Variants in NBR1 observed in about 807,000 individuals in gnomAD.
NBR1 encodes the protein NBR1 autophagy cargo receptor.
NBR1 carries 59 observed loss-of-function variants against 115.5 expected under a neutral mutation model. The ratio of observed to expected loss-of-function variants is 0.51; its 90% CI spans 0.41 to 0.63. The LOEUF is 0.63. Ranked by LOEUF, NBR1 falls within the 30% of genes least tolerant of loss-of-function variation. The probability of loss-of-function intolerance (pLI) is 0.00; values close to 1 mark genes in which losing one functional copy is unlikely to be tolerated. For missense variants in NBR1, 1,043 were observed against 1,150.5 expected, an observed-to-expected ratio of 0.91 and a Z score of 1.35; for synonymous variants, 373 against 414.7, an observed-to-expected ratio of 0.90 and a Z score of 1.22.
chr17:43,183,777 AG>A (rs1166626168), intron 5 of NBR1, among the ~76,000 whole-genome samples: 1 of 151,716 alleles, frequency 6.6e-6, no homozygotes, highest in Non-Finnish European at 1.5e-5. Context: ...CTCATACCTC[AG>A]CCACACTAAT....
chr17:43,200,612 C>T lies in NBR1; in HGVS notation c.2468+4C>T, dbSNP rs2057177071. ...AGCTTCCACCGTCACTGCCCAGGTA[C>T]CACTCACAGCCCCCTCAGCTGGGGT... On this transcript the variant is annotated splice_donor_region_variant and intron_variant, in intron 17 of 20. Transcript: ENST00000590996. 1 of 1,590,682 alleles carries T rather than the reference C, an allele frequency of 6.3e-7. No individual in the cohort carries two copies. The highest frequency in any genetic ancestry group is 1.3e-5 in the African/African-American group (1 of 74,520).
rs777760518 is a variant in NBR1 at position 43,200,252 on chromosome 17, G to C, written c.2112G>C (p.Glu704Asp). 1.3e-6 allele frequency: 2 copies of C among 1,551,612 alleles called. No individual in the cohort carries two copies. The highest frequency in any genetic ancestry group is 2.0e-5 in the Admixed American group (1 of 50,984). ...HIAEEEAVMEEEEDEEDEEEE... is the reference protein window; with the variant it reads ...HIAEEEAVMEDEEDEEDEEEE... Reference sequence around the variant, plus strand: ...CTGAGGAAGAAGCTGTCATGGAGGAGGAGGAGGATGAGGAGGATGAGGAGG... The same window carrying C: ...CTGAGGAAGAAGCTGTCATGGAGGACGAGGAGGATGAGGAGGATGAGGAGG... Residue 704 changes from glutamate to aspartate, a missense_variant, in exon 17 of 21, where the codon GAG (glutamate) becomes GAC (aspartate). Transcript: ENST00000590996.
At chr17:43,172,157 A>G (rs1256883673) in intron 1 of NBR1, among the ~76,000 whole-genome samples, 1 of 152,224 alleles carries the variant, frequency 6.6e-6, no homozygotes, top group Non-Finnish European at 1.5e-5. Context: ...CTGAAGGCCT[A>G]AGACCCAGCT....
intron 5 of NBR1, among the ~76,000 whole-genome samples, chr17:43,184,924 A>G (rs1374123953): frequency 6.6e-6 from 1 of 151,734 alleles, no homozygotes; most frequent in Non-Finnish European, 1.5e-5. Flanking sequence ...CCCCATCTCT[A>G]CTAAAAATAC....
chr17:43,193,563 C>T lies in NBR1; in HGVS notation c.1449C>T (p.Ser483=), dbSNP rs535220529. 2.4e-5 allele frequency: 38 copies of T among 1,612,500 alleles called. No individual in the cohort carries two copies. The highest frequency in any genetic ancestry group is 6.7e-5 in the East Asian group (3 of 44,858). The change falls in exon 12 of 21, where the codon TCC becomes TCT. Residue 483 remains serine (S), a synonymous_variant. Coordinates refer to ENST00000590996, the MANE Select transcript of NBR1 (RefSeq NM_005899.5). ...GTATCATAGTAGATCCTTTCCCCTC[C>T]GAAGAGAGCCCTGATAACATTGAAA... ...WCSIIVDPFP[S]EESPDNIEKG...
chr17:43,182,717 G>GTTAA (rs1481489556), intron 5 of NBR1, among the ~76,000 whole-genome samples: 1 of 151,600 alleles, frequency 6.6e-6, no homozygotes, highest in Non-Finnish European at 1.5e-5. Context: ...CCACAATCAA[G>GTTAA]TTAATTAACA....
chr17:43,179,286 G>C (rs1232259977), intron 3 of NBR1, 108 bp from the exon 4 acceptor site: 6 of 944,642 alleles, frequency 6.4e-6, no homozygotes, highest in Non-Finnish European at 1.0e-5. Flanking sequence ...TGGAAAAGCT[G>C]AACGCTTGGC....
rs1413670590 is a variant in NBR1 at position 43,186,262 on chromosome 17, CAG to C, written c.221_222del (p.Gln74ArgfsTer16). 4 of 1,573,142 alleles carry C rather than the reference CAG, an allele frequency of 2.5e-6. 1 individual carries two copies. The highest frequency in any genetic ancestry group is 3.8e-5 in the Admixed American group (2 of 53,068). ...TGTATGCTCTTAGATGGCAGTTAAA[CAG>C]GGAAACCAACTGCAGATGCAAGTCC... The part of the protein sequence containing the change: ...YEEALKMAVK[Q>X]GNQLQMQVHE... On this transcript the variant is annotated frameshift_variant, in exon 6 of 21. Coordinates refer to ENST00000590996, the MANE Select transcript of NBR1 (RefSeq NM_005899.5). LOFTEE classifies it high-confidence loss of function.
intron 18 of NBR1, 77 bp downstream of exon 18, chr17:43,201,857 C>T: frequency 6.0e-6 from 5 of 828,764 alleles, no homozygotes; most frequent in Non-Finnish European, 9.9e-6. Flanking sequence ...GCCTCTCTCT[C>T]TTCGTGATTC....
intron 10 of NBR1, among the ~76,000 whole-genome samples, 192 bp from the exon 11 acceptor site, chr17:43,192,902 T>C (rs1181163803): frequency 6.6e-6 from 1 of 152,204 alleles, no homozygotes; most frequent in Non-Finnish European, 1.5e-5. Context: ...TGTTTTGTTT[T>C]ATTGTTTTAA....
At chr17:43,182,151 G>C (rs2056683737) in intron 5 of NBR1, among the ~76,000 whole-genome samples, 2 of 144,952 alleles carry the variant, frequency 1.4e-5, no homozygotes. Context: ...CACCATGCCT[G>C]TTCTAGAACT....
chr17:43,178,065 G>A (rs749987974), intron 3 of NBR1, 67 bp downstream of exon 3: 36 of 1,507,218 alleles, frequency 2.4e-5, no homozygotes, highest in Non-Finnish European at 3.3e-5. Flanking sequence ...CAGTGATATG[G>A]GCTTTAATAA....
intron 19 of NBR1, 47 bp from the exon 20 acceptor site, chr17:43,203,633 GT>G: frequency 8.6e-7 from 1 of 1,162,800 alleles, no homozygotes; most frequent in East Asian, 2.5e-5. Context: ...TTGTAAAAAG[GT>G]AATGATTTGT....
chr17:43,178,360 G>A (rs1445596670), intron 3 of NBR1, among the ~76,000 whole-genome samples: 3 of 147,296 alleles, frequency 2.0e-5, no homozygotes, highest in South Asian at 4.5e-4. Flanking sequence ...CCTGGCCTGA[G>A]AGAACCTTTT....
intron 1 of NBR1, among the ~76,000 whole-genome samples, chr17:43,173,927 CCTAAG>C (rs1474072067): frequency 2.0e-5 from 3 of 148,392 alleles, no homozygotes; most frequent in Non-Finnish European, 4.5e-5. Flanking sequence ...TTCCTCTCAA[CCTAAG>C]CTATTTTTTC....
At chr17:43,182,542 G>A (rs529695400) in intron 5 of NBR1, among the ~76,000 whole-genome samples, 1 of 151,462 alleles carries the variant, frequency 6.6e-6, no homozygotes, top group South Asian at 2.1e-4. Flanking sequence ...GTTCTCTATA[G>A]CCCATACAAT....
intron 1 of NBR1, among the ~76,000 whole-genome samples, chr17:43,172,765 G>C (rs921317256): frequency 5.9e-5 from 9 of 152,142 alleles, no homozygotes; most frequent in African/African-American, 1.4e-4. Context: ...GTATTTTACA[G>C]GGCAGTGCAT....
rs1261660715 is a variant in NBR1 at position 43,189,710 on chromosome 17, A to G, written c.603A>G (p.Glu201=). 1.9e-6 allele frequency: 3 copies of G among 1,613,880 alleles called. No homozygotes were observed. Among genetic ancestry groups the G allele is most frequent in the Non-Finnish European group, 2.5e-6 (3 of 1,179,884 alleles). The change falls in exon 8 of 21, where the codon GAA becomes GAG. Residue 201 remains glutamate, a synonymous_variant. Coordinates refer to ENST00000590996, the MANE Select transcript of NBR1 (RefSeq NM_005899.5). The part of the protein sequence containing the change: ...CPSEVSMPTS[E]ETLFLPENQF... ...CAGAAGTCTCAATGCCTACTTCAGAAGAAACATTGTTTTTGCCAGAAAACC... is the reference window on the plus strand; with the variant it reads ...CAGAAGTCTCAATGCCTACTTCAGAGGAAACATTGTTTTTGCCAGAAAACC...
At chr17:43,206,636 CAG>C (rs796218289) in intron 20 of NBR1, among the ~76,000 whole-genome samples, 59 of 148,094 alleles carry the variant, frequency 4.0e-4, no homozygotes, top group African/African-American at 1.3e-3. Context: ...GCCTGGGTGA[CAG>C]AGCGAGACTC....
Sources: allele counts gnomAD v4.1 joint callset (sites outside exome capture counted in the v4.1 genomes callset), GRCh38; gene constraint gnomAD v4.1.1; transcripts MANE v1.5; gene names NCBI Gene and HGNC (gene_info 2026-07-23, HGNC 2026-07-21).